Variants in NDUFA5 observed in about 807,000 individuals in gnomAD.
NDUFA5 encodes the protein NADH:ubiquinone oxidoreductase subunit A5, also known as NADH dehydrogenase [ubiquinone] 1 alpha subcomplex subunit 5.
A neutral mutation model predicts 19.8 loss-of-function variants in NDUFA5; 11 were observed. That is an observed-to-expected ratio of 0.56 (90% CI 0.35 to 0.92). The LOEUF is 0.92. NDUFA5 is among the 40% of genes least tolerant of loss of function. NDUFA5 has a pLI of 0.01. For synonymous variants in NDUFA5, 47 were observed against 46.8 expected (o/e 1.00, Z -0.01); for missense variants, 109 against 134.2 (o/e 0.81, Z 0.93).
intron 4 of NDUFA5, 106 bp from the exon 5 acceptor site, chr7:123,542,326 C>G: frequency 1.4e-6 from 1 of 716,334 alleles, no homozygotes; most frequent in Non-Finnish European, 2.3e-6. Flanking sequence ...TTTAATATCT[C>G]ATAATCTATT....
At position 123,545,648 on chromosome 7, in the gene NDUFA5, T is replaced by A. The variant is rs758933701; in HGVS notation, c.212A>T (p.Gln71Leu). 6.2e-7 allele frequency: 1 copy of A among 1,610,348 alleles called. No homozygotes were observed. The highest frequency in any genetic ancestry group is 8.5e-7 in the Non-Finnish European group (1 of 1,178,814). Residue 71 changes from glutamine to leucine, a missense_variant, in exon 4 of 5, where the codon CAA becomes CTA. Transcript: ENST00000355749. The stretch of plus-strand genomic sequence containing the variant: ...CTCTTCTAATTGACCGCCTTGAAGT[T>A]GGTCTTCTAATTTTTTAACATCTGG... Reference protein sequence around the residue: ...AEPDVKKLEDQLQGGQLEEVI... With the variant: ...AEPDVKKLEDLLQGGQLEEVI...
the NDUFA5 span, among the ~76,000 whole-genome samples, chr7:123,593,710 A>AT: frequency 1.3e-5 from 2 of 151,640 alleles, no homozygotes; most frequent in Admixed American, 6.6e-5. Flanking sequence ...TGCCCTTAAC[A>AT]TTTTTTCCTT....
chr7:123,559,722 G>A (rs932197253), upstream of NDUFA5, among the ~76,000 whole-genome samples: 1 of 151,922 alleles, frequency 6.6e-6, no homozygotes, highest in Non-Finnish European at 1.5e-5. Flanking sequence ...CAGGCCTTGT[G>A]GTGTGTGCCT....
chr7:123,587,314 T>G, the NDUFA5 span, among the ~76,000 whole-genome samples: 6 of 151,694 alleles, frequency 4.0e-5, no homozygotes, highest in Admixed American at 2.0e-4. Flanking sequence ...CTATTGTATA[T>G]GGGATTTTAT....
the NDUFA5 span, among the ~76,000 whole-genome samples, chr7:123,581,590 T>C: frequency 1.3e-5 from 2 of 151,892 alleles, no homozygotes; most frequent in African/African-American, 4.8e-5. Flanking sequence ...TTCTGAAAAG[T>C]CTTTCGGTTA....
chr7:123,574,831 T>C, the NDUFA5 span, among the ~76,000 whole-genome samples: 1 of 152,156 alleles, frequency 6.6e-6, no homozygotes, highest in South Asian at 2.1e-4. Flanking sequence ...AGTTCCATGA[T>C]TGTTTTCCTC....
the NDUFA5 span, among the ~76,000 whole-genome samples, chr7:123,577,929 C>T: frequency 4.6e-5 from 7 of 151,906 alleles, no homozygotes; most frequent in Middle Eastern, 3.4e-3. Context: ...TTCCGGGATA[C>T]GTGTGCAGAA....
the NDUFA5 span, among the ~76,000 whole-genome samples, chr7:123,577,661 T>C: frequency 1.3e-5 from 2 of 152,126 alleles, no homozygotes; most frequent in Non-Finnish European, 2.9e-5. Flanking sequence ...ATAGCAAACA[T>C]GTTGAACAAT....
upstream of NDUFA5, among the ~76,000 whole-genome samples, chr7:123,558,699 T>C (rs1044881011): frequency 6.6e-6 from 1 of 152,186 alleles, no homozygotes; most frequent in Admixed American, 6.5e-5. Context: ...TTTATGTGAT[T>C]GGAAAGGTGG....
At chr7:123,581,311 G>A in the NDUFA5 span, among the ~76,000 whole-genome samples, 1 of 149,998 alleles carries the variant, frequency 6.7e-6, no homozygotes, top group Non-Finnish European at 1.5e-5. Flanking sequence ...TCTATCATCA[G>A]TAATTAATTT....
chr7:123,550,325 T>C lies in NDUFA5; in HGVS notation c.183+145A>G. ...AGAAAACACTCAATAAACAAGAGTT[T>C]GCTGAATAAAAGGGAGGAATGATGG... On this transcript the variant is annotated intron_variant, in intron 3 of 4. Coordinates refer to ENST00000355749, the MANE Select transcript of NDUFA5 (RefSeq NM_005000.5). 4.9e-6 allele frequency: 3 copies of C among 614,044 alleles called. No individual in the cohort carries two copies. In the South Asian group the frequency reaches 5.3e-5, roughly 11 times the overall value. The allele number at this position is 614,044 out of a possible 1,614,324, so 38.0% of individuals were successfully genotyped here.
intron 2 of NDUFA5, among the ~76,000 whole-genome samples, chr7:123,553,780 C>T (rs1798440795): frequency 6.6e-6 from 1 of 152,100 alleles, no homozygotes; most frequent in Admixed American, 6.5e-5. Context: ...ATAATACTGC[C>T]TCATAGGGTA....
intron 3 of NDUFA5, 109 bp from the exon 4 acceptor site, chr7:123,545,785 TTTC>T: frequency 1.5e-6 from 1 of 683,350 alleles, no homozygotes; most frequent in Non-Finnish European, 2.4e-6. Context: ...ACAACTTTTC[TTTC>T]ATCATACTCT....
the NDUFA5 span, among the ~76,000 whole-genome samples, chr7:123,566,649 CTAA>C: frequency 6.6e-6 from 1 of 152,012 alleles, no homozygotes; most frequent in Non-Finnish European, 1.5e-5. Context: ...CATATATGTA[CTAA>C]TGACATTTTA....
At position 123,540,907 on chromosome 7, in the gene NDUFA5, C is replaced by CACACACACAA. The variant is rs1584683174; in HGVS notation, c.*1211_*1212insTTGTGTGTGT. 8.0e-5 allele frequency: 12 copies of CACACACACAA among 150,446 alleles called. No individual in the cohort carries two copies. In the East Asian group the frequency reaches 1.9e-3, roughly 24 times the overall value. 9.3% of individuals were successfully genotyped at this position (150,446 alleles called of 1,614,324 possible). On this transcript the variant is annotated 3_prime_UTR_variant, in exon 5 of 5. Coordinates refer to ENST00000355749, the MANE Select transcript of NDUFA5 (RefSeq NM_005000.5). ...ATGCGCGTGCACACACACACACACACACACACACACACACACACACACACA... is the reference window on the plus strand; with the variant it reads ...ATGCGCGTGCACACACACACACACACACACACACAAACACACACACACACACACACACACA...
chr7:123,547,433 T>C (rs1798175686), intron 3 of NDUFA5, among the ~76,000 whole-genome samples: 2 of 152,218 alleles, frequency 1.3e-5, no homozygotes, highest in South Asian at 4.1e-4. Flanking sequence ...CACTAACATG[T>C]AATCTCCAAG....
chr7:123,562,320 AT>A (rs1798699973), upstream of NDUFA5, among the ~76,000 whole-genome samples: 1 of 152,142 alleles, frequency 6.6e-6, no homozygotes. Context: ...CAACAGCTGC[AT>A]AAGCCTGTAA....
the NDUFA5 span, among the ~76,000 whole-genome samples, chr7:123,574,536 C>T: frequency 5.9e-5 from 9 of 152,248 alleles, no homozygotes; most frequent in Middle Eastern, 3.4e-3. Flanking sequence ...CTTTAAGAAC[C>T]GCTAGTTAAA....
At chr7:123,557,928 C>CA, upstream of NDUFA5, 4 of 1,483,314 alleles carry the variant, frequency 2.7e-6, no homozygotes, top group Non-Finnish European at 3.7e-6. Context: ...GCCAAAGGAG[C>CA]AAAGACTCTG....
Sources: gnomAD v4.1 joint callset for allele counts (sites outside exome capture counted in the v4.1 genomes callset) on GRCh38, gnomAD v4.1.1 for gene constraint, MANE v1.5 for transcripts, NCBI Gene and HGNC (gene_info 2026-07-23, HGNC 2026-07-21) for gene names.